The following PTPRN2 variants were observed in gnomAD, a reference collection of about 807,000 sequenced individuals.
The protein encoded by PTPRN2 is receptor-type tyrosine-protein phosphatase N2.
A neutral mutation model predicts 118.8 loss-of-function variants in PTPRN2; 74 were observed. The ratio of observed to expected loss-of-function variants is 0.62; its 90% CI spans 0.52 to 0.76. The LOEUF is 0.76. PTPRN2 is among the 30% of genes least tolerant of loss of function. PTPRN2 has a pLI of 0.00. For synonymous variants in PTPRN2, 641 were observed against 608.0 expected, an observed-to-expected ratio of 1.05 and a Z score of -0.80; for missense variants, 1,481 against 1,394.4, an observed-to-expected ratio of 1.06 and a Z score of -0.99.
At chr7:158,269,863 GAGAGACAGAA>G (rs1798180707) in intron 3 of PTPRN2, among the ~76,000 whole-genome samples, 3 of 151,990 alleles carry the variant, frequency 2.0e-5, no homozygotes, top group South Asian at 2.1e-4. Flanking sequence ...CAGAGACAGA[GAGAGACAGAA>G]AGAGACAGAG....
In PTPRN2 at chr7:157,986,789, A is replaced by G. The variant is rs568649712; in HGVS notation, c.1724-88052T>C. On this transcript the variant is annotated intron_variant, in intron 11 of 22. Coordinates refer to ENST00000389418, the MANE Select transcript of PTPRN2 (RefSeq NM_002847.5). The surrounding 1 kb of genome is among the most constrained non-coding windows in gnomAD (Gnocchi z 4.5). ...TTGGCAGGACTGGAAGTAACTGGGC[A>G]GAGGAGACATTTTGGAGCAGGTGGT... is the stretch of plus-strand genomic sequence containing the variant. Among the ~76,000 whole-genome samples, 7 of 152,166 alleles carry G rather than the reference A, an allele frequency of 4.6e-5. No individual in the cohort carries two copies. The highest frequency in any genetic ancestry group is 1.0e-4 in the Non-Finnish European group (7 of 68,020).
At chr7:158,303,190 T>C (rs1371296247) in intron 3 of PTPRN2, among the ~76,000 whole-genome samples, 1 of 149,746 alleles carries the variant, frequency 6.7e-6, no homozygotes, top group Non-Finnish European at 1.5e-5. Flanking sequence ...AAAAAATTCT[T>C]TGGAGTCTTC....
intron 11 of PTPRN2, among the ~76,000 whole-genome samples, chr7:158,050,160 A>G (rs931324319): frequency 2.6e-5 from 4 of 152,190 alleles, no homozygotes; most frequent in Admixed American, 1.3e-4. Flanking sequence ...TGGCCTCAGA[A>G]AGGTTACTGT....
intron 12 of PTPRN2, among the ~76,000 whole-genome samples, chr7:157,724,503 G>T (rs1375949343): frequency 6.6e-6 from 1 of 152,128 alleles, no homozygotes; most frequent in Non-Finnish European, 1.5e-5. Flanking sequence ...GTATGATGGG[G>T]TTACATCATG....
chr7:158,150,176 G>T (rs569586945), intron 6 of PTPRN2, among the ~76,000 whole-genome samples: 2 of 152,210 alleles, frequency 1.3e-5, no homozygotes, highest in South Asian at 2.1e-4. Flanking sequence ...TGCCTCAAGC[G>T]GGGCAGTGTG....
At chr7:158,422,627 C>T (rs574824656) in intron 2 of PTPRN2, among the ~76,000 whole-genome samples, 50 of 146,766 alleles carry the variant, frequency 3.4e-4, no homozygotes, top group African/African-American at 1.4e-3. Flanking sequence ...CTGACGCTGC[C>T]GGCTTCTGGG....
intron 3 of PTPRN2, among the ~76,000 whole-genome samples, chr7:158,275,515 G>A (rs118052470): frequency 0.031 from 4,758 of 152,242 alleles, 104 homozygotes; most frequent in Non-Finnish European, 0.046. Context: ...TAAAGGCGTC[G>A]CCCAGAAAAT....
At chr7:157,982,479 T>A (rs13236509) in intron 11 of PTPRN2, among the ~76,000 whole-genome samples, 1 of 78,124 alleles carries the variant, frequency 1.3e-5, no homozygotes, top group African/African-American at 5.2e-5. Flanking sequence ...GTCATAGAGA[T>A]GAGGAGGGGA....
At chr7:158,340,969 T>C (rs199933400) in intron 2 of PTPRN2, among the ~76,000 whole-genome samples, 27,037 of 53,904 alleles carry the variant, frequency 0.5, 5,177 homozygotes, top group Middle Eastern at 0.6. Context: ...CGCCCGCAGA[T>C]GTCACTCACA....
chr7:158,378,125 G>C (rs1464714709), intron 2 of PTPRN2, among the ~76,000 whole-genome samples: 1 of 152,276 alleles, frequency 6.6e-6, no homozygotes, highest in Non-Finnish European at 1.5e-5. Flanking sequence ...CTTAGAAACC[G>C]CATTTTACTG....
chr7:158,393,838 C>CT (rs1812127796), intron 2 of PTPRN2, among the ~76,000 whole-genome samples: 1 of 152,092 alleles, frequency 6.6e-6, no homozygotes, highest in Non-Finnish European at 1.5e-5. Context: ...GGTGAGCAGC[C>CT]TGGGTTCAAT....
intron 12 of PTPRN2, among the ~76,000 whole-genome samples, chr7:157,685,989 C>T (rs1797168669): frequency 6.6e-6 from 1 of 152,132 alleles, no homozygotes; most frequent in Non-Finnish European, 1.5e-5. Flanking sequence ...TGGGAGAGGC[C>T]GGGGGAGGCC....
At chr7:158,204,183 G>T (rs1295155133) in intron 4 of PTPRN2, among the ~76,000 whole-genome samples, 2 of 149,310 alleles carry the variant, frequency 1.3e-5, no homozygotes, top group African/African-American at 5.0e-5. Context: ...AGCAGCCGCC[G>T]CCCTCAGCGT....
At chr7:157,767,667 C>G (rs1379314206) in intron 12 of PTPRN2, among the ~76,000 whole-genome samples, 1 of 152,236 alleles carries the variant, frequency 6.6e-6, no homozygotes, top group Non-Finnish European at 1.5e-5. Context: ...GAACACTGTT[C>G]TGTTTGGTGC....
intron 12 of PTPRN2, among the ~76,000 whole-genome samples, chr7:157,719,727 C>T (rs1174070320): frequency 2.0e-5 from 3 of 152,244 alleles, no homozygotes; most frequent in Non-Finnish European, 4.4e-5. Flanking sequence ...GAAAGAGCTC[C>T]CCAGACCCCT....
chr7:158,292,109 TC>T (rs1192044016), intron 3 of PTPRN2, among the ~76,000 whole-genome samples: 2 of 152,172 alleles, frequency 1.3e-5, no homozygotes, highest in Non-Finnish European at 2.9e-5. Context: ...ATCCCTCCTC[TC>T]CCCACCTTCC....
At chr7:158,306,855 GTTTT>G (rs61276074) in intron 3 of PTPRN2, among the ~76,000 whole-genome samples, 6 of 121,418 alleles carry the variant, frequency 4.9e-5, no homozygotes, top group Non-Finnish European at 7.1e-5. Flanking sequence ...GCTGTTTTTT[GTTTT>G]TTTTTTTTTT....
chr7:158,333,901 C>A (rs62480912), intron 2 of PTPRN2, among the ~76,000 whole-genome samples: 6 of 73,654 alleles, frequency 8.1e-5, no homozygotes, highest in Middle Eastern at 7.1e-3. Flanking sequence ...AGCTGACACC[C>A]GCAGACGTCA....
intron 2 of PTPRN2, among the ~76,000 whole-genome samples, chr7:158,320,168 CGT>C (rs1236904885): frequency 2.7e-4 from 2 of 7,408 alleles, no homozygotes; most frequent in Non-Finnish European, 2.0e-3. Flanking sequence ...CAGCCTCCCT[CGT>C]ACACACACAG....
Sources: gnomAD v4.1 joint callset for allele counts (sites outside exome capture counted in the v4.1 genomes callset) on GRCh38, gnomAD v4.1.1 for gene constraint, Gnocchi (gnomAD v3.1) non-coding constraint, MANE v1.5 for transcripts, NCBI Gene and HGNC (gene_info 2026-07-23, HGNC 2026-07-21) for gene names.